NINL: variants seen among roughly 807,000 people sequenced by gnomAD.
NINL encodes ninein like, also known as ninein-like protein.
A neutral mutation model predicts 160.3 loss-of-function variants in NINL; 153 were observed. The observed-to-expected ratio is 0.95, with a 90% CI of 0.84 to 1.09. The LOEUF (loss-of-function observed/expected upper bound fraction) is 1.09. Among genes scored for constraint, NINL ranks in the 50% least tolerant of loss-of-function variants. NINL has a pLI of 0.00. For synonymous variants in NINL, 800 were observed against 734.8 expected, an observed-to-expected ratio of 1.09 and a Z score of -1.43; for missense variants, 1,829 against 1,764.0, an observed-to-expected ratio of 1.04 and a Z score of -0.66.
intron 1 of NINL, among the ~76,000 whole-genome samples, chr20:25,562,202 C>G (rs1442610484): frequency 7.1e-6 from 1 of 141,136 alleles, no homozygotes; most frequent in African/African-American, 2.6e-5. Flanking sequence ...GGCCAGCCGC[C>G]CCGTCCGGGA....
intron 1 of NINL, among the ~76,000 whole-genome samples, chr20:25,576,383 C>T (rs1014432556): frequency 3.9e-5 from 6 of 152,212 alleles, no homozygotes; most frequent in Non-Finnish European, 7.3e-5. Flanking sequence ...TAACTGCAAT[C>T]GCTTGGTTAG....
chr20:25,457,844 A>G (rs2090728421), intron 22 of NINL, among the ~76,000 whole-genome samples: 1 of 152,212 alleles, frequency 6.6e-6, no homozygotes, highest in Admixed American at 6.5e-5. Flanking sequence ...ATGCCTCCCA[A>G]TAAGCCTTTT....
Position 25,476,107 on chromosome 20 carries a change from G to A in NINL, c.3184C>T (p.Leu1062Phe). The change falls in exon 17 of 24, where the codon CTT becomes TTT. Residue 1062 changes from leucine to phenylalanine, a missense_variant. By Grantham distance (22) the Leu-to-Phe change is conservative. Transcript: ENST00000278886. Reference sequence around the variant, plus strand: ...CGGACGACGTCTTCCAGATGTAGAAGTTTGGTTTCCATGTCATCCTTCTCT... The same window carrying A: ...CGGACGACGTCTTCCAGATGTAGAAATTTGGTTTCCATGTCATCCTTCTCT... ...EREKDDMETK[L>F]LHLEDVVRAL... 2 of 1,614,250 alleles carry A rather than the reference G, an allele frequency of 1.2e-6. No individual in the cohort carries two copies. The highest frequency in any genetic ancestry group is 1.7e-6 in the Non-Finnish European group (2 of 1,180,040).
intron 17 of NINL, 148 bp downstream of exon 17, chr20:25,475,895 C>T: frequency 2.5e-6 from 2 of 786,250 alleles, no homozygotes; most frequent in Non-Finnish European, 4.0e-6. Context: ...AACCCCTACT[C>T]AGGCTGAAGG....
Position 25,476,936 on chromosome 20 carries a change from C to T in NINL, c.2355G>A (p.Leu785=). 1.2e-6 allele frequency: 2 copies of T among 1,611,788 alleles called. No homozygotes were observed. Among genetic ancestry groups the T allele is most frequent in the African/African-American group, 1.3e-5 (1 of 75,060 alleles). ...RSEQLELERA[L]KLQPCASEKR... The stretch of plus-strand genomic sequence containing the variant: ...TCTCGCTCGCACAGGGCTGCAGCTT[C>T]AGTGCCCTCTCCAGCTCCAGCTGCT... The change falls in exon 17 of 24, where the codon CTG becomes CTA. Residue 785 remains leucine (L), a synonymous_variant. Transcript: ENST00000278886.
chr20:25,573,772 T>A (rs1340365102), intron 1 of NINL, among the ~76,000 whole-genome samples: 1 of 152,230 alleles, frequency 6.6e-6, no homozygotes, highest in African/African-American at 2.4e-5. Context: ...CTGAGTCAAC[T>A]AAAAAGACTT....
chr20:25,507,635 T>A (rs949672795), intron 5 of NINL, among the ~76,000 whole-genome samples: 1 of 152,146 alleles, frequency 6.6e-6, no homozygotes, highest in Non-Finnish European at 1.5e-5. Context: ...TTCAGGTAGA[T>A]GAGCCATGTG....
intron 1 of NINL, among the ~76,000 whole-genome samples, chr20:25,561,537 T>G (rs1316399011): frequency 6.8e-6 from 1 of 147,768 alleles, no homozygotes; most frequent in East Asian, 2.1e-4. Context: ...CTGCCCAGTC[T>G]GGAAAGTGAG....
Position 25,503,992 on chromosome 20 carries a change from G to A in NINL, c.821C>T (p.Ser274Phe), listed in dbSNP as rs779954830. 1.9e-6 allele frequency: 3 copies of A among 1,614,070 alleles called. No individual in the cohort carries two copies. In the Admixed American group the frequency reaches 5.0e-5, roughly 27 times the overall value. ...SHEPALLLES[S>F]TRVKPSKAWS... ...AGCCTTGCTCGGTTTAACCCGAGTG[G>A]AAGACTCTAGAAGTAGCGCGGGCTC... is the stretch of plus-strand genomic sequence containing the variant. The change falls in exon 7 of 24, where the codon TCC (serine) becomes TTC (phenylalanine). Residue 274 changes from serine (S) to phenylalanine (F), a missense_variant. Coordinates refer to ENST00000278886, the MANE Select transcript of NINL (RefSeq NM_025176.6).
chr20:25,514,839 G>C (rs1465244408), intron 3 of NINL, among the ~76,000 whole-genome samples: 1 of 152,244 alleles, frequency 6.6e-6, no homozygotes, highest in Non-Finnish European at 1.5e-5. Context: ...TGACTACCAT[G>C]TTGTGTTGAG....
intron 1 of NINL, among the ~76,000 whole-genome samples, chr20:25,540,288 T>C (rs1372653227): frequency 6.6e-6 from 1 of 152,212 alleles, no homozygotes; most frequent in African/African-American, 2.4e-5. Flanking sequence ...ACATAAACTT[T>C]GCCACCAAGT....
chr20:25,489,675 C>T (rs1031493351), intron 12 of NINL, among the ~76,000 whole-genome samples, 200 bp downstream of exon 12: 4 of 152,164 alleles, frequency 2.6e-5, no homozygotes, highest in African/African-American at 7.2e-5. Flanking sequence ...AGCAGTTGTG[C>T]TGTGTGGGCA....
At chr20:25,574,673 G>A (rs2065094679) in intron 1 of NINL, among the ~76,000 whole-genome samples, 1 of 152,162 alleles carries the variant, frequency 6.6e-6, no homozygotes, top group African/African-American at 2.4e-5. Flanking sequence ...TTCCTTGAGG[G>A]AGGAAACAGA....
chr20:25,550,373 G>C (rs1355470740), intron 1 of NINL, among the ~76,000 whole-genome samples: 1 of 152,250 alleles, frequency 6.6e-6, no homozygotes, highest in Non-Finnish European at 1.5e-5. Context: ...ACACCTGTGG[G>C]TATTTCTCAC....
intron 2 of NINL, among the ~76,000 whole-genome samples, chr20:25,525,349 C>T (rs920670309): frequency 1.3e-5 from 2 of 152,130 alleles, no homozygotes; most frequent in African/African-American, 4.8e-5. Context: ...TTTCTTTTCC[C>T]CAATTCAAAA....
At chr20:25,563,123 G>A (rs762280828) in intron 1 of NINL, among the ~76,000 whole-genome samples, 11 of 152,156 alleles carry the variant, frequency 7.2e-5, no homozygotes, top group Non-Finnish European at 1.2e-4. Context: ...CCAAGATGGC[G>A]CCACTGCACT....
In NINL at chr20:25,453,503, C is replaced by A. The variant is rs17857107; in HGVS notation, c.4097G>T (p.Arg1366Leu). 6.2e-7 allele frequency: 1 copy of A among 1,613,736 alleles called. No homozygotes were observed. The highest frequency in any genetic ancestry group is 2.2e-5 in the East Asian group (1 of 44,864). ...KQSRLLEEKV[R>L]ALNKLVSRIA... is the part of the protein sequence containing the mutation. ...CCTACTGACGAGTTTGTTGAGAGCG[C>A]GAACTTTTTCTTCCAAGAGGCGGCT... is the stretch of plus-strand genomic sequence containing the variant. The change falls in exon 24 of 24, where the codon CGC becomes CTC. Residue 1366 changes from arginine to leucine, a missense_variant. Coordinates refer to ENST00000278886, the MANE Select transcript of NINL (RefSeq NM_025176.6).
Position 25,476,915 on chromosome 20 carries a change from G to T in NINL, c.2376C>A (p.Ser792Arg). Residue 792 changes from serine (S) to arginine (R), a missense_variant, in exon 17 of 24, where the codon AGC (serine) becomes AGA (arginine). Physicochemically the swap from Ser to Arg is moderately radical, Grantham distance 110. Transcript: ENST00000278886. The part of the protein sequence containing the change: ...ERALKLQPCA[S>R]EKRAQMCVSL... ...ATACGCACATCTGGGCGCGCTTCTCGCTCGCACAGGGCTGCAGCTTCAGTG... is the reference window on the plus strand; with the variant it reads ...ATACGCACATCTGGGCGCGCTTCTCTCTCGCACAGGGCTGCAGCTTCAGTG... The T allele has an allele frequency of 6.2e-7, 1 of 1,612,536 alleles. No individual in the cohort carries two copies. The highest frequency in any genetic ancestry group is 8.5e-7 in the Non-Finnish European group (1 of 1,179,872).
At chr20:25,518,466 TCCATTTTC>T (rs1388999092) in intron 2 of NINL, among the ~76,000 whole-genome samples, 5 of 152,216 alleles carry the variant, frequency 3.3e-5, no homozygotes, top group Middle Eastern at 3.2e-3. Context: ...CACCTTAAGG[TCCATTTTC>T]TCTTTTAACA....
Sources: gnomAD v4.1 joint callset for allele counts (sites outside exome capture counted in the v4.1 genomes callset) on GRCh38, gnomAD v4.1.1 for gene constraint, MANE v1.5 for transcripts, NCBI Gene and HGNC (gene_info 2026-07-23, HGNC 2026-07-21) for gene names.